ATP1B1: variants seen among roughly 807,000 people sequenced by gnomAD.
ATP1B1 encodes sodium/potassium-transporting ATPase subunit beta-1.
ATP1B1 carries 3 observed loss-of-function variants against 39.6 expected under a neutral mutation model. The ratio of observed to expected loss-of-function variants is 0.08; its 90% confidence interval spans 0.03 to 0.20. The LOEUF (loss-of-function observed/expected upper bound fraction) is 0.20. Among genes scored for constraint, ATP1B1 ranks in the 10% least tolerant of loss-of-function variants. The probability of loss-of-function intolerance (pLI) is 1.00; values close to 1 mark genes in which losing one functional copy is unlikely to be tolerated. For synonymous variants in ATP1B1, 139 were observed against 135.0 expected (o/e 1.03, Z -0.20); for missense variants, 216 against 371.1 (o/e 0.58, Z 3.43).
chr1:169,127,718 A>G (rs902970287), intron 4 of ATP1B1, among the ~76,000 whole-genome samples: 11 of 152,216 alleles, frequency 7.2e-5, no homozygotes, highest in Non-Finnish European at 1.6e-4. Context: ...TCTTTAAAAA[A>G]GTAAAAATGG....
chr1:169,121,167 G>A (rs914748891), intron 2 of ATP1B1, among the ~76,000 whole-genome samples: 1 of 151,896 alleles, frequency 6.6e-6, no homozygotes, highest in Non-Finnish European at 1.5e-5. Context: ...GGCTGGTCTC[G>A]AACTCCTGGC....
chr1:169,131,134 T>C lies in ATP1B1; in HGVS notation c.649-158T>C, dbSNP rs1658210762. 1.3e-5 allele frequency among the ~76,000 whole-genome samples: 2 copies of C among 152,204 alleles called. No individual in the cohort carries two copies. Among genetic ancestry groups the C allele is most frequent in the African/African-American group, 4.8e-5 (2 of 41,454 alleles). On this transcript the variant is annotated intron_variant, in intron 5 of 5. Coordinates refer to ENST00000367815, the MANE Select transcript of ATP1B1 (RefSeq NM_001677.4). This position sits in a 1 kb window ranked among gnomAD's most constrained non-coding sequence, Gnocchi z 4.4. ...TTGCACATTGAGAATAGTCTCTTCT[T>C]ATGACCATTTCTCAAGGCTGCAATG...
chr1:169,124,040 A>G (rs1658039442), intron 2 of ATP1B1, among the ~76,000 whole-genome samples: 1 of 152,240 alleles, frequency 6.6e-6, no homozygotes, highest in East Asian at 1.9e-4. Flanking sequence ...GTAACCAGGC[A>G]TCTTTTATTT....
chr1:169,118,197 C>T (rs892703948), intron 2 of ATP1B1, among the ~76,000 whole-genome samples: 3 of 152,184 alleles, frequency 2.0e-5, no homozygotes, highest in African/African-American at 7.2e-5. Context: ...TATACAGCCA[C>T]AGGAAGAAGA....
intron 4 of ATP1B1, among the ~76,000 whole-genome samples, chr1:169,128,786 C>T (rs1013427497): frequency 3.9e-5 from 6 of 152,192 alleles, no homozygotes; most frequent in Admixed American, 1.3e-4. Context: ...GACATTTGGA[C>T]CCCACAGAGG....
chr1:169,112,194 G>A (rs1039751574), intron 2 of ATP1B1, among the ~76,000 whole-genome samples: 1 of 152,206 alleles, frequency 6.6e-6, no homozygotes, highest in Non-Finnish European at 1.5e-5. Context: ...AAACTTGGGT[G>A]AACAAAAAGA....
chr1:169,115,336 T>C (rs1657819401), intron 2 of ATP1B1, among the ~76,000 whole-genome samples: 1 of 145,594 alleles, frequency 6.9e-6, no homozygotes, highest in African/African-American at 2.6e-5. Flanking sequence ...GCAACTTCTG[T>C]TTTTTTCTTT....
chr1:169,116,532 T>G (rs1657850827), intron 2 of ATP1B1, among the ~76,000 whole-genome samples: 1 of 152,072 alleles, frequency 6.6e-6, no homozygotes, highest in South Asian at 2.1e-4. Context: ...TCATCTTGAT[T>G]GTAAAGAGGA....
chr1:169,109,545 A>C (rs1051802024), intron 1 of ATP1B1, among the ~76,000 whole-genome samples: 1 of 152,134 alleles, frequency 6.6e-6, no homozygotes, highest in Non-Finnish European at 1.5e-5. Context: ...TTTTCTTAGG[A>C]TATCGTGTGG....
intron 2 of ATP1B1, 52 bp from the exon 3 acceptor site, chr1:169,124,832 A>G: frequency 6.3e-7 from 1 of 1,578,902 alleles, no homozygotes; most frequent in Non-Finnish European, 8.6e-7. Flanking sequence ...CTACTTTTGA[A>G]TTGTCTTCGT....
intron 1 of ATP1B1, among the ~76,000 whole-genome samples, chr1:169,107,213 C>G (rs1571216892): frequency 6.6e-6 from 1 of 152,110 alleles, no homozygotes; most frequent in South Asian, 2.1e-4. Context: ...TACCGTGCAT[C>G]GGTTGAGCCT....
At chr1:169,115,498 G>A (rs570165169) in intron 2 of ATP1B1, among the ~76,000 whole-genome samples, 4 of 151,622 alleles carry the variant, frequency 2.6e-5, no homozygotes, top group South Asian at 2.1e-4. Flanking sequence ...ACAGGTGCGC[G>A]CCACCATGCC....
intron 3 of ATP1B1, 81 bp from the exon 4 acceptor site, chr1:169,127,143 T>C (rs1658104269): frequency 1.4e-5 from 20 of 1,419,400 alleles, no homozygotes; most frequent in Non-Finnish European, 1.9e-5. Context: ...TAGGTAACTA[T>C]GACAAGGAAG....
intron 2 of ATP1B1, 33 bp from the exon 3 acceptor site, chr1:169,124,851 T>C (rs1195513258): frequency 6.2e-7 from 1 of 1,601,256 alleles, no homozygotes. Context: ...GTTTCTGCCT[T>C]CCTACTAATG....
chr1:169,121,037 T>A (rs949849419), intron 2 of ATP1B1, among the ~76,000 whole-genome samples: 1 of 150,684 alleles, frequency 6.6e-6, no homozygotes, highest in East Asian at 2.0e-4. Context: ...AACCTCTGCC[T>A]CTTGGGCTCA....
At chr1:169,114,690 T>C (rs897126940) in intron 2 of ATP1B1, among the ~76,000 whole-genome samples, 11 of 152,190 alleles carry the variant, frequency 7.2e-5, no homozygotes, top group Admixed American at 5.2e-4. Flanking sequence ...TTCTTGGCCC[T>C]GAACAATGGT....
chr1:169,124,092 A>G (rs774719129), intron 2 of ATP1B1, among the ~76,000 whole-genome samples: 217 of 152,298 alleles, frequency 1.4e-3, no homozygotes, highest in Middle Eastern at 6.8e-3. Context: ...GACTTTTCCA[A>G]CCATTGCTCC....
Position 169,106,930 on chromosome 1 carries a change from A to C in ATP1B1, c.97+4A>C. ...GGCAGGACCGGTGGCAGTTGGTGTA[A>C]GTACGGGGTCCGCAGCTCCCGGCCG... is the stretch of plus-strand genomic sequence containing the variant. On this transcript the variant is annotated splice_donor_region_variant and intron_variant, in intron 1 of 5. Coordinates refer to ENST00000367815, the MANE Select transcript of ATP1B1 (RefSeq NM_001677.4). 1.3e-6 allele frequency: 2 copies of C among 1,575,554 alleles called. No individual in the cohort carries two copies. Among genetic ancestry groups the C allele is most frequent in the Non-Finnish European group, 1.7e-6 (2 of 1,163,512 alleles).
In ATP1B1 at chr1:169,118,476, A is replaced by G. The variant is rs550877069; in HGVS notation, c.227-6408A>G. Among the ~76,000 whole-genome samples the G allele has an allele frequency of 3.9e-5, 6 of 152,310 alleles. No individual in the cohort carries two copies. In the East Asian group the frequency reaches 1.2e-3, roughly 29 times the overall value. ...GGCAGAAGGTGAGTCAAAGGTGGCT[A>G]GTTTCCAGAAAGTGCAAAGGCGCCT... is the stretch of plus-strand genomic sequence containing the variant. On this transcript the variant is annotated intron_variant, in intron 2 of 5. Transcript: ENST00000367815.
Sources: gnomAD v4.1 joint callset for allele counts (sites outside exome capture counted in the v4.1 genomes callset) on GRCh38, gnomAD v4.1.1 for gene constraint, Gnocchi (gnomAD v3.1) non-coding constraint, MANE v1.5 for transcripts, NCBI Gene and HGNC (gene_info 2026-07-23, HGNC 2026-07-21) for gene names.